Variants in ANO6 observed in about 807,000 individuals in gnomAD.
The protein encoded by ANO6 is anoctamin 6.
Under a neutral mutation model 117.5 loss-of-function variants are expected in ANO6, and 106 were observed. That is an observed-to-expected ratio of 0.90 (90% confidence interval 0.77 to 1.06). The LOEUF is 1.06. ANO6 is among the 50% of genes least tolerant of loss of function. The probability of loss-of-function intolerance (pLI) is 0.00; values close to 1 mark genes in which losing one functional copy is unlikely to be tolerated. For synonymous variants in ANO6, 367 were observed against 385.1 expected, an observed-to-expected ratio of 0.95 and a Z score of 0.55; for missense variants, 955 against 1,121.1, an observed-to-expected ratio of 0.85 and a Z score of 2.12.
intron 9 of ANO6, among the ~76,000 whole-genome samples, chr12:45,376,999 ATTC>A (rs964825096): frequency 1.3e-5 from 2 of 152,156 alleles, no homozygotes; most frequent in African/African-American, 4.8e-5. Flanking sequence ...GAATGTCGCT[ATTC>A]TTTTATGAAG....
At chr12:45,422,054 G>A (rs1943378988) in intron 18 of ANO6, among the ~76,000 whole-genome samples, 1 of 152,184 alleles carries the variant, frequency 6.6e-6, no homozygotes, top group Non-Finnish European at 1.5e-5. Context: ...GTTACACCTA[G>A]TGGAGCCTCT....
intron 1 of ANO6, among the ~76,000 whole-genome samples, chr12:45,234,017 A>C (rs990790630): frequency 2.6e-5 from 4 of 152,230 alleles, no homozygotes; most frequent in African/African-American, 4.8e-5. Flanking sequence ...TTCGTTTCTT[A>C]TAGGTAGCAG....
intron 19 of ANO6, among the ~76,000 whole-genome samples, 183 bp downstream of exon 19, chr12:45,423,245 T>C (rs1213268144): frequency 6.6e-6 from 1 of 152,256 alleles, no homozygotes; most frequent in African/African-American, 2.4e-5. Flanking sequence ...GAGCATTATC[T>C]GCTTTTAAAG....
intron 1 of ANO6, among the ~76,000 whole-genome samples, chr12:45,299,070 T>C (rs781399659): frequency 6.6e-6 from 1 of 152,150 alleles, no homozygotes; most frequent in Non-Finnish European, 1.5e-5. Flanking sequence ...ACCATAGATA[T>C]AATTTTTTTA....
intron 19 of ANO6, among the ~76,000 whole-genome samples, chr12:45,426,006 A>G (rs1210424777): frequency 1.3e-5 from 2 of 152,186 alleles, no homozygotes; most frequent in Non-Finnish European, 2.9e-5. Flanking sequence ...TTTCTAATCA[A>G]TGCTGTAACG....
intron 9 of ANO6, among the ~76,000 whole-genome samples, chr12:45,375,127 C>T (rs1159435921): frequency 6.6e-6 from 1 of 152,062 alleles, no homozygotes; most frequent in Non-Finnish European, 1.5e-5. Context: ...GAATAAAATA[C>T]CTAGGAATCC....
intron 8 of ANO6, 134 bp downstream of exon 8, chr12:45,357,558 T>A: frequency 2.5e-6 from 3 of 1,177,838 alleles, no homozygotes. Context: ...ATATCCCTTT[T>A]GTTCTGAGCA....
At chr12:45,228,754 G>A (rs1315239908) in intron 1 of ANO6, among the ~76,000 whole-genome samples, 1 of 152,148 alleles carries the variant, frequency 6.6e-6, no homozygotes, top group African/African-American at 2.4e-5. Context: ...TTGACTTCAT[G>A]TTTAAAACCT....
At chr12:45,303,650 A>G (rs979201625) in intron 2 of ANO6, among the ~76,000 whole-genome samples, 1 of 152,218 alleles carries the variant, frequency 6.6e-6, no homozygotes, top group South Asian at 2.1e-4. Context: ...TAAGGCAGAT[A>G]CACTGATAAT....
At chr12:45,328,199 C>T (rs908328180) in intron 2 of ANO6, among the ~76,000 whole-genome samples, 1 of 152,072 alleles carries the variant, frequency 6.6e-6, no homozygotes, top group African/African-American at 2.4e-5. Context: ...CAAAAACAAG[C>T]TCATTTACTC....
rs1483182723 is a variant in ANO6, at chr12:45,432,302, ATTC to A, written c.*2994_*2996del. Reference sequence around the variant, plus strand: ...AATGTTAATTTCTGTGCATTTTAATATTCTTTTATAATTATGAGCATTTTAATA... The same window carrying A: ...AATGTTAATTTCTGTGCATTTTAATATTTTATAATTATGAGCATTTTAATA... On this transcript the variant is annotated 3_prime_UTR_variant, in exon 20 of 20. Transcript: ENST00000320560. The A allele has an allele frequency of 1.7e-5, 15 of 907,062 alleles. No individual in the cohort carries two copies. Among genetic ancestry groups the A allele is most frequent in the South Asian group, 1.0e-4 (2 of 19,312 alleles). The allele number at this position is 907,062 out of a possible 1,614,324, so 56.2% of individuals were successfully genotyped here.
At chr12:45,336,728 T>A (rs1368484399) in intron 3 of ANO6, among the ~76,000 whole-genome samples, 1 of 152,086 alleles carries the variant, frequency 6.6e-6, no homozygotes, top group Non-Finnish European at 1.5e-5. Flanking sequence ...TACTATACTA[T>A]AATATATTTT....
intron 3 of ANO6, among the ~76,000 whole-genome samples, chr12:45,337,003 A>C (rs1225140697): frequency 6.6e-6 from 1 of 152,082 alleles, no homozygotes; most frequent in Non-Finnish European, 1.5e-5. Flanking sequence ...TTTGTGTCTT[A>C]GTTTTCAACA....
At chr12:45,346,392 A>G (rs146801730) in intron 3 of ANO6, among the ~76,000 whole-genome samples, 2 of 152,178 alleles carry the variant, frequency 1.3e-5, no homozygotes, top group Admixed American at 6.5e-5. Flanking sequence ...TATATTCTGT[A>G]TCTTTTGAAA....
chr12:45,389,139 A>G (rs1276688252), intron 11 of ANO6, among the ~76,000 whole-genome samples: 1 of 152,244 alleles, frequency 6.6e-6, no homozygotes, highest in African/African-American at 2.4e-5. Context: ...GGTTTTATAA[A>G]TTGAATCACA....
intron 6 of ANO6, among the ~76,000 whole-genome samples, chr12:45,350,120 G>A (rs1028996924): frequency 6.6e-6 from 1 of 152,192 alleles, no homozygotes; most frequent in African/African-American, 2.4e-5. Context: ...TAAGCAGGAA[G>A]TTTTGTTTCT....
intron 2 of ANO6, among the ~76,000 whole-genome samples, chr12:45,304,088 G>A (rs543737737): frequency 2.0e-5 from 3 of 152,240 alleles, no homozygotes; most frequent in African/African-American, 7.2e-5. Flanking sequence ...GCTCATTAAG[G>A]TCACTTCTTT....
intron 7 of ANO6, among the ~76,000 whole-genome samples, chr12:45,354,527 C>G (rs547570723): frequency 6.6e-6 from 1 of 152,014 alleles, no homozygotes; most frequent in Admixed American, 6.5e-5. Context: ...CCAGGTGACA[C>G]AGTTCTGTGA....
intron 7 of ANO6, among the ~76,000 whole-genome samples, chr12:45,355,342 G>GTAA: frequency 6.6e-6 from 1 of 152,004 alleles, no homozygotes; most frequent in Admixed American, 6.5e-5. Flanking sequence ...TTCTGGCCTT[G>GTAA]CCTACAATGT....
Sources: gnomAD v4.1 joint callset for allele counts (sites outside exome capture counted in the v4.1 genomes callset) on GRCh38, gnomAD v4.1.1 for gene constraint, MANE v1.5 for transcripts, NCBI Gene and HGNC (gene_info 2026-07-23, HGNC 2026-07-21) for gene names.